Variants in EFCAB8 observed in about 807,000 individuals in gnomAD.
EFCAB8 encodes the protein EF-hand calcium-binding domain-containing protein 8.
In EFCAB8, 100 loss-of-function variants were observed where a neutral mutation model predicts 116.3. The ratio of observed to expected loss-of-function variants is 0.86; its 90% CI spans 0.73 to 1.02. EFCAB8 has a LOEUF of 1.02. EFCAB8 is among the 50% of genes least tolerant of loss of function. The pLI is 0.00. For synonymous variants in EFCAB8, 558 were observed against 567.9 expected, an observed-to-expected ratio of 0.98 and a Z score of 0.25; for missense variants, 1,320 against 1,416.9, an observed-to-expected ratio of 0.93 and a Z score of 1.10.
chr20:32,887,953 A>G lies in EFCAB8; in HGVS notation c.568-1348A>G, dbSNP rs562153520. The stretch of plus-strand genomic sequence containing the variant: ...GATTCAGACCTATGGAGGGGCAGAC[A>G]GGGGAAGTCAGTCTTCCTTCCCTGA... On this transcript the variant is annotated intron_variant, in intron 6 of 26. Coordinates refer to ENST00000400522, the MANE Select transcript of EFCAB8 (RefSeq NM_001143967.2). 2.6e-5 allele frequency among the ~76,000 whole-genome samples: 4 copies of G among 152,350 alleles called. No individual in the cohort carries two copies. The East Asian group carries it at 7.7e-4, about 29-fold the overall frequency.
rs1208866054 is a variant in EFCAB8, at chr20:32,959,885, A to G, written c.3197A>G (p.Lys1066Arg). ...GATAAGGAGGCAGACACTTGGGCCAAGCTGCAGAAGATGGCCCTGATGTCC... is the reference window on the plus strand; with the variant it reads ...GATAAGGAGGCAGACACTTGGGCCAGGCTGCAGAAGATGGCCCTGATGTCC... ...KADKEADTWA[K>R]LQKMALMSPW... is the part of the protein sequence containing the mutation. Residue 1066 changes from lysine to arginine, a missense_variant, in exon 25 of 27, where the codon AAG (lysine) becomes AGG (arginine). By Grantham distance (26) the Lys-to-Arg change is conservative (BLOSUM62 2). Coordinates refer to ENST00000400522, the MANE Select transcript of EFCAB8 (RefSeq NM_001143967.2). The G allele has an allele frequency of 3.2e-6, 5 of 1,551,610 alleles. No homozygotes were observed. Among genetic ancestry groups the G allele is most frequent in the Non-Finnish European group, 4.4e-6 (5 of 1,146,930 alleles).
intron 3 of EFCAB8, among the ~76,000 whole-genome samples, chr20:32,868,614 T>C (rs139254776): frequency 2.6e-5 from 4 of 152,334 alleles, no homozygotes; most frequent in African/African-American, 9.6e-5. Context: ...GTTTATCACC[T>C]CACAGTTCTG....
At chr20:32,897,247 C>T (rs1341422631) in intron 10 of EFCAB8, among the ~76,000 whole-genome samples, 1 of 152,120 alleles carries the variant, frequency 6.6e-6, no homozygotes, top group African/African-American at 2.4e-5. Context: ...TGTGGTCCGA[C>T]CATTGATTCC....
In EFCAB8 at chr20:32,961,409, C is replaced by T. The variant is rs1003696270; in HGVS notation, c.3667C>T (p.Pro1223Ser). Residue 1223 changes from proline (P) to serine (S), a missense_variant, in exon 27 of 27, where the codon CCC becomes TCC. Transcript: ENST00000400522. ...LDSSLPTFLTPQFSFLLRPQS... is the reference protein window; with the variant it reads ...LDSSLPTFLTSQFSFLLRPQS... The stretch of plus-strand genomic sequence containing the variant: ...CTCCAGCTTGCCCACCTTCCTGACG[C>T]CCCAGTTCTCCTTCTTGCTGCGGCC... 1.4e-6 allele frequency: 2 copies of T among 1,458,330 alleles called. No homozygotes were observed. The highest frequency in any genetic ancestry group is 5.7e-5 in the Admixed American group (2 of 35,252). The allele number at this position is 1,458,330 out of a possible 1,614,324, so 90.3% of individuals were successfully genotyped here. A position where few individuals can be genotyped will look rare whatever the true frequency, so the allele number is the denominator to read the frequency against.
intron 6 of EFCAB8, among the ~76,000 whole-genome samples, chr20:32,888,528 GT>G (rs904363029): frequency 6.6e-6 from 1 of 151,628 alleles, no homozygotes; most frequent in Non-Finnish European, 1.5e-5. Context: ...AGCCTTTTTT[GT>G]TAATTTTGTA....
At chr20:32,922,285 A>G (rs1406356518) in intron 20 of EFCAB8, among the ~76,000 whole-genome samples, 1 of 152,198 alleles carries the variant, frequency 6.6e-6, no homozygotes, top group African/African-American at 2.4e-5. Flanking sequence ...ATTTCTGGGC[A>G]CTAGTGTGAG....
intron 2 of EFCAB8, among the ~76,000 whole-genome samples, chr20:32,865,405 T>C (rs1984337739): frequency 2.0e-5 from 3 of 151,970 alleles, no homozygotes; most frequent in Non-Finnish European, 4.4e-5. Context: ...TGCTTGAAAC[T>C]AGAAAGATAG....
chr20:32,877,843 G>A (rs911921158), intron 4 of EFCAB8, among the ~76,000 whole-genome samples: 4 of 152,210 alleles, frequency 2.6e-5, no homozygotes, highest in Non-Finnish European at 5.9e-5. Context: ...CCATAGGGGA[G>A]AGTGAATAAA....
At chr20:32,859,682 G>A (rs745983631) in intron 1 of EFCAB8, among the ~76,000 whole-genome samples, 9 of 152,276 alleles carry the variant, frequency 5.9e-5, no homozygotes, top group African/African-American at 2.2e-4. Flanking sequence ...CCACATTTGT[G>A]TTATTATACA....
chr20:32,943,501 C>T (rs1404036631), intron 22 of EFCAB8, 135 bp from the exon 23 acceptor site: 1 of 414,080 alleles, frequency 2.4e-6, no homozygotes, highest in Non-Finnish European at 4.4e-6. Flanking sequence ...ATGTGGAATG[C>T]ATCTAGAACT....
In EFCAB8 at chr20:32,906,593, C is replaced by G; in HGVS notation, c.1120C>G (p.Leu374Val). ...LSVLRLRKGI[L>V]CFDYCPDRNF... ...AGTGCTGCGTTTAAGGAAAGGGATT[C>G]TTTGCTTTGATTACTGCCCAGACAG... Residue 374 changes from leucine to valine, a missense_variant, in exon 12 of 27, where the codon CTT becomes GTT. Leu to Val is a conservative substitution (Grantham distance 32, BLOSUM62 1). Coordinates refer to ENST00000400522, the MANE Select transcript of EFCAB8 (RefSeq NM_001143967.2). 1.4e-6 allele frequency: 1 copy of G among 718,504 alleles called. No homozygotes were observed. The highest frequency in any genetic ancestry group is 2.6e-6 in the Non-Finnish European group (1 of 385,094). 44.5% of individuals were successfully genotyped at this position (718,504 alleles called of 1,614,324 possible). A position where few individuals can be genotyped will look rare whatever the true frequency, so the allele number is the denominator to read the frequency against.
At position 32,908,485 on chromosome 20, in the gene EFCAB8, C is replaced by T. The variant is rs1359100994; in HGVS notation, c.1446+73C>T. The T allele has an allele frequency of 2.4e-6, 3 of 1,245,208 alleles. No homozygotes were observed. In the African/African-American group the frequency reaches 4.7e-5, roughly 19 times the overall value. 77.1% of individuals were successfully genotyped at this position (1,245,208 alleles called of 1,614,324 possible). A position where few individuals can be genotyped will look rare whatever the true frequency, so the allele number is the denominator to read the frequency against. On this transcript the variant is annotated intron_variant, in intron 14 of 26. Coordinates refer to ENST00000400522, the MANE Select transcript of EFCAB8 (RefSeq NM_001143967.2). ...GCCAGGGTCTGAATCCCATGGGACACCCAAGGGGTGGCCACGTCCTGTCCC... is the reference window on the plus strand; with the variant it reads ...GCCAGGGTCTGAATCCCATGGGACATCCAAGGGGTGGCCACGTCCTGTCCC...
intron 20 of EFCAB8, among the ~76,000 whole-genome samples, chr20:32,929,986 T>C (rs1052806874): frequency 5.3e-5 from 8 of 152,244 alleles, no homozygotes; most frequent in African/African-American, 1.9e-4. Context: ...CTGGAAAATA[T>C]GGATATTTCA....
intron 11 of EFCAB8, chr20:32,903,818 A>C (rs1986542906): frequency 6.6e-6 from 1 of 152,404 alleles, no homozygotes; most frequent in African/African-American, 2.4e-5. Flanking sequence ...TGGCCATGGG[A>C]GTGGAGGGAA....
At chr20:32,868,518 T>C (rs573481581) in intron 3 of EFCAB8, among the ~76,000 whole-genome samples, 2 of 152,268 alleles carry the variant, frequency 1.3e-5, no homozygotes. Context: ...TTTTGGTGTA[T>C]GTATTTTCTT....
At chr20:32,871,478 C>T (rs1243466222) in intron 3 of EFCAB8, among the ~76,000 whole-genome samples, 1 of 151,924 alleles carries the variant, frequency 6.6e-6, no homozygotes. Context: ...TGGTGTCTTG[C>T]TATGCTGTAT....
intron 20 of EFCAB8, among the ~76,000 whole-genome samples, chr20:32,923,134 T>G (rs972674200): frequency 2.6e-5 from 4 of 151,788 alleles, no homozygotes; most frequent in Admixed American, 1.3e-4. Context: ...CAGTGAGCTG[T>G]GATTGTGCCA....
At chr20:32,889,724 G>T (rs13038409) in intron 7 of EFCAB8, among the ~76,000 whole-genome samples, 86,274 of 151,902 alleles carry the variant, frequency 0.57, 26,460 homozygotes, top group Middle Eastern at 0.73. Context: ...TCTCCTGGCC[G>T]GGTGTGGTGG....
chr20:32,910,203 A>G (rs1413098228), intron 15 of EFCAB8, among the ~76,000 whole-genome samples: 2 of 152,218 alleles, frequency 1.3e-5, no homozygotes, highest in Non-Finnish European at 2.9e-5. Flanking sequence ...GCCTTGGGTC[A>G]GCTCTGGACT....
Sources: gnomAD v4.1 joint callset for allele counts (sites outside exome capture counted in the v4.1 genomes callset) on GRCh38, gnomAD v4.1.1 for gene constraint, MANE v1.5 for transcripts, NCBI Gene and HGNC (gene_info 2026-07-23, HGNC 2026-07-21) for gene names.